PAPPA2: variants seen among roughly 807,000 people sequenced by gnomAD.
PAPPA2 encodes the protein pappalysin 2.
PAPPA2 carries 86 observed loss-of-function variants against 176.4 expected under a neutral mutation model. The ratio of observed to expected loss-of-function variants is 0.49; its 90% CI spans 0.41 to 0.58. The LOEUF (loss-of-function observed/expected upper bound fraction) is 0.58, where lower values mean the gene tolerates loss of function less well. PAPPA2 is among the 20% of genes least tolerant of loss of function. PAPPA2 has a pLI of 0.00. For missense variants in PAPPA2, 2,073 were observed against 2,256.9 expected, an observed-to-expected ratio of 0.92 and a Z score of 1.65; for synonymous variants, 809 against 852.2, an observed-to-expected ratio of 0.95 and a Z score of 0.88.
intron 21 of PAPPA2, among the ~76,000 whole-genome samples, chr1:176,808,607 G>A (rs1666010542): frequency 6.6e-6 from 1 of 152,042 alleles, no homozygotes; most frequent in African/African-American, 2.4e-5. Flanking sequence ...CAGCAGCATG[G>A]CTCTGGTCTT....
rs1442865437 is a variant in PAPPA2 at position 176,519,907 on chromosome 1, T to C, written c.-916-35500T>C. Among the ~76,000 whole-genome samples the C allele has an allele frequency of 4.6e-5, 7 of 152,356 alleles. No individual in the cohort carries two copies. The South Asian group carries it at 1.0e-3, about 23-fold the overall frequency. On this transcript the variant is annotated intron_variant, in intron 1 of 22. Coordinates refer to ENST00000367662, the MANE Select transcript of PAPPA2 (RefSeq NM_020318.3). ...TGGTTGTTATCAAGTACTCTTCTAC[T>C]TGACTGTGTTTCTTCTATAAGGTGA...
rs780589573 is a variant in PAPPA2 at position 176,710,105 on chromosome 1, C to T, written c.3580C>T (p.Arg1194Trp). ...AGGATACTTGGATCAATGGGCTACC[C>T]GGGCTTACTCCTCTCATGAAGACAA... ...PKGYLDQWAT[R>W]AYSSHEDKKK... The change falls in exon 11 of 23, where the codon CGG (arginine) becomes TGG (tryptophan). Residue 1194 changes from arginine (R) to tryptophan (W), a missense_variant. Physicochemically the swap from Arg to Trp is moderately radical, Grantham distance 101. Transcript: ENST00000367662. 6.6e-5 allele frequency: 106 copies of T among 1,613,718 alleles called. No individual in the cohort carries two copies. The highest frequency in any genetic ancestry group is 7.9e-5 in the Non-Finnish European group (93 of 1,179,830).
intron 17 of PAPPA2, among the ~76,000 whole-genome samples, chr1:176,781,422 A>G (rs1046022398): frequency 8.7e-6 from 1 of 114,790 alleles, no homozygotes; most frequent in African/African-American, 3.6e-5. Context: ...GCCAAATCTA[A>G]TATGTCTTGT....
intron 14 of PAPPA2, among the ~76,000 whole-genome samples, chr1:176,744,417 T>G (rs1662814809): frequency 6.6e-6 from 1 of 152,196 alleles, no homozygotes; most frequent in African/African-American, 2.4e-5. Flanking sequence ...ACTCCAAGAT[T>G]TTATTCCAAA....
chr1:176,640,634 G>A (rs1657022758), intron 3 of PAPPA2, among the ~76,000 whole-genome samples: 2 of 150,644 alleles, frequency 1.3e-5, no homozygotes, highest in African/African-American at 2.4e-5. Flanking sequence ...CTTGTGAATA[G>A]TGCCGCAATA....
At chr1:176,717,737 G>T (rs962485316) in intron 12 of PAPPA2, among the ~76,000 whole-genome samples, 1 of 152,216 alleles carries the variant, frequency 6.6e-6, no homozygotes, top group Admixed American at 6.5e-5. Context: ...CTATTGAGAT[G>T]ATATTTTTTC....
chr1:176,711,619 G>A (rs142565370), intron 11 of PAPPA2, among the ~76,000 whole-genome samples: 145 of 152,256 alleles, frequency 9.5e-4, no homozygotes, highest in Middle Eastern at 3.4e-3. Context: ...GATGATAAAC[G>A]AGAGTTGTTG....
intron 3 of PAPPA2, among the ~76,000 whole-genome samples, chr1:176,630,199 A>G (rs1656265609): frequency 6.6e-6 from 1 of 152,216 alleles, no homozygotes; most frequent in Admixed American, 6.5e-5. Context: ...GATGTCACTA[A>G]TGAGAGTTGG....
intron 14 of PAPPA2, among the ~76,000 whole-genome samples, chr1:176,745,963 A>G (rs866744561): frequency 5.9e-5 from 9 of 152,160 alleles, no homozygotes; most frequent in Admixed American, 2.0e-4. Flanking sequence ...CACTAATGAA[A>G]CTTGATGGGA....
chr1:176,654,783 C>T (rs1044632889), intron 3 of PAPPA2, among the ~76,000 whole-genome samples: 3 of 151,620 alleles, frequency 2.0e-5, no homozygotes, highest in Non-Finnish European at 4.4e-5. Context: ...GTGTACAGAC[C>T]TTTCACTTAT....
intron 1 of PAPPA2, among the ~76,000 whole-genome samples, chr1:176,524,913 G>A (rs1329245078): frequency 6.6e-6 from 1 of 152,116 alleles, no homozygotes; most frequent in Non-Finnish European, 1.5e-5. Flanking sequence ...GTGATGGCGG[G>A]CGCCTGTAGT....
intron 1 of PAPPA2, among the ~76,000 whole-genome samples, chr1:176,473,869 T>G (rs953648425): frequency 1.4e-4 from 22 of 152,216 alleles, no homozygotes; most frequent in Non-Finnish European, 2.1e-4. Context: ...TTGCCCATTT[T>G]CTAATCTCAT....
chr1:176,594,786 C>G lies in PAPPA2; in HGVS notation c.1182C>G (p.Pro394=). Residue 394 remains proline, a synonymous_variant, in exon 3 of 23, where the codon CCC becomes CCG. Transcript: ENST00000367662. ...CTAGCAGTCTAGACCAGTCTGGTCC[C>G]CTGAACAGCCCCTTCATGGCATCTT... ...QVASSLDQSG[P]LNSPFMASCR... The G allele has an allele frequency of 6.2e-7, 1 of 1,614,222 alleles. No individual in the cohort carries two copies. The highest frequency in any genetic ancestry group is 8.5e-7 in the Non-Finnish European group (1 of 1,180,038).
At chr1:176,653,887 C>T (rs915961190) in intron 3 of PAPPA2, among the ~76,000 whole-genome samples, 4 of 151,766 alleles carry the variant, frequency 2.6e-5, no homozygotes, top group Non-Finnish European at 5.9e-5. Flanking sequence ...ATGATCTTCT[C>T]CCTTGGCTTT....
chr1:176,530,753 A>T (rs1003954317), intron 1 of PAPPA2, among the ~76,000 whole-genome samples: 1 of 152,206 alleles, frequency 6.6e-6, no homozygotes, highest in Non-Finnish European at 1.5e-5. Context: ...TCAATTGATA[A>T]ATTACATGAG....
chr1:176,678,123 AGG>A, intron 4 of PAPPA2, among the ~76,000 whole-genome samples: 1 of 152,304 alleles, frequency 6.6e-6, no homozygotes, highest in South Asian at 2.1e-4. Flanking sequence ...GGCAGATGGC[AGG>A]GTTCAGCACA....
At chr1:176,550,434 T>C (rs1650879557) in intron 1 of PAPPA2, among the ~76,000 whole-genome samples, 1 of 152,228 alleles carries the variant, frequency 6.6e-6, no homozygotes. Context: ...GTTTGTCGGA[T>C]GAGCGGGGAA....
intron 3 of PAPPA2, among the ~76,000 whole-genome samples, chr1:176,635,109 T>A (rs188094538): frequency 1.1e-4 from 16 of 152,204 alleles, no homozygotes; most frequent in Non-Finnish European, 1.9e-4. Context: ...TAAGAAGACA[T>A]AGCTGACTTA....
chr1:176,468,377 G>T (rs1208045323), intron 1 of PAPPA2, among the ~76,000 whole-genome samples: 3 of 152,190 alleles, frequency 2.0e-5, no homozygotes, highest in Admixed American at 2.0e-4. Flanking sequence ...CCCAAAACTA[G>T]GGAGGGGGTA....
Sources: allele counts gnomAD v4.1 joint callset (sites outside exome capture counted in the v4.1 genomes callset), GRCh38; gene constraint gnomAD v4.1.1; transcripts MANE v1.5; gene names NCBI Gene and HGNC (gene_info 2026-07-23, HGNC 2026-07-21).